Variants in MEIOC observed in about 807,000 individuals in gnomAD.
MEIOC encodes the protein meiosis-specific coiled-coil domain-containing protein MEIOC.
Under a neutral mutation model 85.3 loss-of-function variants are expected in MEIOC, and 9 were observed. That is an observed-to-expected ratio of 0.11 (90% CI 0.06 to 0.18). The LOEUF (loss-of-function observed/expected upper bound fraction) is 0.18, where lower values mean the gene tolerates loss of function less well. Ranked by LOEUF, MEIOC falls within the 10% of genes least tolerant of loss-of-function variation. MEIOC has a pLI of 1.00. For missense variants in MEIOC, 898 were observed against 1,129.4 expected, an observed-to-expected ratio of 0.80 and a Z score of 2.94; for synonymous variants, 365 against 393.7, an observed-to-expected ratio of 0.93 and a Z score of 0.86.
In MEIOC at chr17:44,671,750, T is replaced by C. The variant is rs1372982403; in HGVS notation, c.2458-1616T>C. 2.7e-5 allele frequency among the ~76,000 whole-genome samples: 4 copies of C among 149,932 alleles called. No individual in the cohort carries two copies. The South Asian group carries it at 6.4e-4, about 24-fold the overall frequency. ...TGAAACCCGGTCTCTACTAAAAATA[T>C]AAAAAATTAGCCGAGCATGGTGGCA... On this transcript the variant is annotated intron_variant, in intron 6 of 7. Transcript: ENST00000409122.
In MEIOC at chr17:44,674,464, G is replaced by C; in HGVS notation, c.*268G>C. The stretch of plus-strand genomic sequence containing the variant: ...TAAGTAAATTAAATATTTCCTAACA[G>C]CTAAAATGTGCTTAAACTCATTCTG... On this transcript the variant is annotated 3_prime_UTR_variant, in exon 8 of 8. Coordinates refer to ENST00000409122, the MANE Select transcript of MEIOC (RefSeq NM_001145080.3). 2.6e-6 allele frequency: 3 copies of C among 1,155,386 alleles called. No homozygotes were observed. Among genetic ancestry groups the C allele is most frequent in the Non-Finnish European group, 3.2e-6 (3 of 935,794 alleles). The allele number at this position is 1,155,386 out of a possible 1,614,324, so 71.6% of individuals were successfully genotyped here. A position where few individuals can be genotyped will look rare whatever the true frequency, so the allele number is the denominator to read the frequency against.
intron 2 of MEIOC, among the ~76,000 whole-genome samples, chr17:44,661,542 T>G (rs930006508): frequency 3.3e-5 from 5 of 151,996 alleles, no homozygotes; most frequent in African/African-American, 1.2e-4. Flanking sequence ...TTGGGGACAT[T>G]AAGACTGAAA....
intron 5 of MEIOC, 25 bp from the exon 6 acceptor site, chr17:44,669,358 C>G (rs1374033550): frequency 6.5e-7 from 1 of 1,533,372 alleles, no homozygotes; most frequent in Non-Finnish European, 8.8e-7. Context: ...AATTCTACAT[C>G]TAAAAAGTAT....
chr17:44,675,383 C>T lies in MEIOC; in HGVS notation c.*1187C>T, dbSNP rs1972061782. ...GTTGGTATTATGTGACTCAGAAGAT[C>T]TTGGGTTTTAACATTTCTAGCATGA... On this transcript the variant is annotated 3_prime_UTR_variant, in exon 8 of 8. Coordinates refer to ENST00000409122, the MANE Select transcript of MEIOC (RefSeq NM_001145080.3). The T allele has an allele frequency of 1.0e-6, 1 of 971,386 alleles. No individual in the cohort carries two copies. The highest frequency in any genetic ancestry group is 1.2e-6 in the Non-Finnish European group (1 of 817,540). The allele number at this position is 971,386 out of a possible 1,614,324, so 60.2% of individuals were successfully genotyped here.
chr17:44,666,295 G>A (rs934994616), intron 4 of MEIOC, 81 bp from the exon 5 acceptor site: 2 of 1,204,884 alleles, frequency 1.7e-6, no homozygotes, highest in Non-Finnish European at 2.3e-6. Flanking sequence ...AAATGTTTTT[G>A]AAGACCTTTT....
chr17:44,666,694 A>C lies in MEIOC; in HGVS notation c.783A>C (p.Gln261His). Residue 261 changes from glutamine (Q) to histidine (H), a missense_variant, in exon 5 of 8, where the codon CAA (glutamine) becomes CAC (histidine). Physicochemically the swap from Gln to His is conservative, Grantham distance 24. Around this residue, in one of 2 missense-constraint regions of MEIOC, gnomAD observed 734 missense variants for 860.1 expected, o/e 0.85. Transcript: ENST00000409122. ...QTNDTAKTTF[Q>H]EYPLIKNCFT... ...ATGATACAGCTAAGACAACATTCCA[A>C]GAATATCCACTTATCAAAAACTGTT... 6.2e-7 allele frequency: 1 copy of C among 1,612,762 alleles called. No homozygotes were observed. Among genetic ancestry groups the C allele is most frequent in the Non-Finnish European group, 8.5e-7 (1 of 1,179,290 alleles).
At chr17:44,673,138 A>C in intron 6 of MEIOC, 1 of 407,464 alleles carries the variant, frequency 2.5e-6, no homozygotes. Context: ...ATTGATGCTT[A>C]TTTTCAGTAA....
downstream of MEIOC, among the ~76,000 whole-genome samples, chr17:44,676,413 C>T (rs575668461): frequency 2.0e-5 from 3 of 152,246 alleles, no homozygotes; most frequent in African/African-American, 4.8e-5. Context: ...TATCAGTGTC[C>T]TTCTCACTTG....
At chr17:44,675,810 C>T (rs1380561827), downstream of MEIOC, 1 of 896,786 alleles carries the variant, frequency 1.1e-6, no homozygotes, top group African/African-American at 1.8e-5. Context: ...CATTTGGTTT[C>T]ATTTTTCTAA....
chr17:44,661,479 T>C (rs1001731060), intron 2 of MEIOC, among the ~76,000 whole-genome samples: 44 of 152,190 alleles, frequency 2.9e-4, no homozygotes, highest in African/African-American at 1.0e-3. Context: ...TATGTGAAAT[T>C]TATTTGAATA....
intron 1 of MEIOC, 69 bp from the exon 2 acceptor site, chr17:44,657,058 C>CG: frequency 6.7e-7 from 1 of 1,495,442 alleles, no homozygotes; most frequent in Non-Finnish European, 9.0e-7. Context: ...GAACAGGTGT[C>CG]GGGCCGTTTC....
chr17:44,668,343 TTTG>T (rs1287391609), intron 5 of MEIOC, 110 bp downstream of exon 5: 19 of 1,024,590 alleles, frequency 1.9e-5, no homozygotes, highest in Non-Finnish European at 2.5e-5. Flanking sequence ...TTTTGCTTTA[TTTG>T]TTGTTGTTTT....
In MEIOC at chr17:44,657,119, T is replaced by G. The variant is rs1971771084; in HGVS notation, c.70-8T>G. 2 of 1,548,000 alleles carry G rather than the reference T, an allele frequency of 1.3e-6. No individual in the cohort carries two copies. Among genetic ancestry groups the G allele is most frequent in the Admixed American group, 2.0e-5 (1 of 50,976 alleles). On this transcript the variant is annotated splice_polypyrimidine_tract_variant and splice_region_variant and intron_variant, in intron 1 of 7. Coordinates refer to ENST00000409122, the MANE Select transcript of MEIOC (RefSeq NM_001145080.3). The stretch of plus-strand genomic sequence containing the variant: ...CTTTCTGATATTTCCTATTCCCGTG[T>G]GCTGCAGCCCAAAGTCGCGTTCCCC...
Position 44,662,483 on chromosome 17 carries a change from C to T in MEIOC, c.359+12C>T, listed in dbSNP as rs996971944. 3.3e-6 allele frequency: 5 copies of T among 1,494,240 alleles called. No individual in the cohort carries two copies. In the Admixed American group the frequency reaches 9.5e-5, roughly 28 times the overall value. The allele number at this position is 1,494,240 out of a possible 1,614,324, so 92.6% of individuals were successfully genotyped here. A position where few individuals can be genotyped will look rare whatever the true frequency, so the allele number is the denominator to read the frequency against. On this transcript the variant is annotated intron_variant, in intron 3 of 7. Transcript: ENST00000409122. ...AGTATAAAGAACAGGTAAATTAATTCATTTCTCAAGGTAATTGAGGTATTT... is the reference window on the plus strand; with the variant it reads ...AGTATAAAGAACAGGTAAATTAATTTATTTCTCAAGGTAATTGAGGTATTT...
intron 1 of MEIOC, 49 bp from the exon 2 acceptor site, chr17:44,657,078 G>A (rs1971769949): frequency 2.6e-6 from 4 of 1,523,244 alleles, no homozygotes; most frequent in Non-Finnish European, 3.5e-6. Context: ...CAGCTCCGGC[G>A]TCACCCTCGT....
chr17:44,666,334 T>A (rs1971902704), intron 4 of MEIOC, 42 bp from the exon 5 acceptor site: 13 of 1,470,278 alleles, frequency 8.8e-6, no homozygotes, highest in African/African-American at 1.4e-5. Flanking sequence ...AAATAAAGTC[T>A]TTAAAACCTA....
In MEIOC at chr17:44,666,909, A is replaced by C; in HGVS notation, c.998A>C (p.His333Pro). ...TATTGTAGATACCCAGAGTATGTTC[A>C]TCCTAATAAGGCTAAGCTTAATAAA... ...VDYCRYPEYV[H>P]PNKAKLNKCS... Residue 333 changes from histidine (H) to proline (P), a missense_variant, in exon 5 of 8, where the codon CAT becomes CCT. By Grantham distance (77) the His-to-Pro change is moderately conservative (BLOSUM62 -2). This residue lies in a region of MEIOC where 734 missense variants were observed against 860.1 expected (regional missense o/e 0.85). Transcript: ENST00000409122. 1.2e-6 allele frequency: 2 copies of C among 1,609,526 alleles called. No individual in the cohort carries two copies. Among genetic ancestry groups the C allele is most frequent in the Non-Finnish European group, 1.7e-6 (2 of 1,177,438 alleles).
rs1347495387 is a variant in MEIOC at position 44,669,457 on chromosome 17, G to A, written c.2397G>A (p.Leu799=). The A allele has an allele frequency of 1.3e-6, 2 of 1,561,818 alleles. No homozygotes were observed. Among genetic ancestry groups the A allele is most frequent in the Non-Finnish European group, 1.7e-6 (2 of 1,152,246 alleles). ...CTAACAACACTCCAGTTCCAAGGCT[G>A]ACTTCCAACCCATCTAGAGTTGATC... The part of the protein sequence containing the change: ...SSTNNTPVPR[L]TSNPSRVDRL... Residue 799 remains leucine, a synonymous_variant, in exon 6 of 8, where the codon CTG becomes CTA. Coordinates refer to ENST00000409122, the MANE Select transcript of MEIOC (RefSeq NM_001145080.3).
In MEIOC at chr17:44,666,475, A is replaced by G. The variant is rs1186883975; in HGVS notation, c.564A>G (p.Thr188=). Residue 188 remains threonine (T), a synonymous_variant, in exon 5 of 8, where the codon ACA becomes ACG. Coordinates refer to ENST00000409122, the MANE Select transcript of MEIOC (RefSeq NM_001145080.3). ...CAGAAACCAAAAGGCCAATAGATAC[A>G]GTCATCTCTCAGCAAGCTTTTTATA... ...LLTETKRPID[T]VISQQAFYSD... 2 of 1,582,750 alleles carry G rather than the reference A, an allele frequency of 1.3e-6. No homozygotes were observed. The highest frequency in any genetic ancestry group is 3.3e-4 in the Middle Eastern group (2 of 6,022).
Sources: allele counts gnomAD v4.1 joint callset (sites outside exome capture counted in the v4.1 genomes callset), GRCh38; gene constraint gnomAD v4.1.1; regional missense constraint gnomAD v4.1.1; transcripts MANE v1.5; gene names NCBI Gene and HGNC (gene_info 2026-07-23, HGNC 2026-07-21).